Variants in KIAA0319L observed in about 807,000 individuals in gnomAD.
KIAA0319L encodes KIAA0319 like, also known as dyslexia-associated protein KIAA0319-like protein.
In KIAA0319L, 55 loss-of-function variants were observed where a neutral mutation model predicts 120.1. That is an observed-to-expected ratio of 0.46 (90% CI 0.37 to 0.57). The LOEUF is 0.57. Among genes scored for constraint, KIAA0319L ranks in the 20% least tolerant of loss-of-function variants. KIAA0319L has a pLI of 0.00. For missense variants in KIAA0319L, 1,049 were observed against 1,255.3 expected (o/e 0.84, Z 2.48); for synonymous variants, 398 against 471.9 (o/e 0.84, Z 2.03).
chr1:35,499,792 A>C (rs1395509109), intron 3 of KIAA0319L, among the ~76,000 whole-genome samples: 3 of 151,984 alleles, frequency 2.0e-5, no homozygotes, highest in Admixed American at 6.6e-5. Flanking sequence ...AAAAAAAAAA[A>C]AAACCCTGAA....
chr1:35,436,994 G>C (rs1217166013), intron 20 of KIAA0319L, among the ~76,000 whole-genome samples: 1 of 152,098 alleles, frequency 6.6e-6, no homozygotes, highest in Non-Finnish European at 1.5e-5. Context: ...CTAACCCACT[G>C]AGCCCAGAAC....
rs199802791 is a variant in KIAA0319L at position 35,451,731 on chromosome 1, A to G, written c.1959T>C (p.Ala653=). 9.3e-6 allele frequency: 15 copies of G among 1,614,154 alleles called. No homozygotes were observed. Among genetic ancestry groups the G allele is most frequent in the Non-Finnish European group, 1.1e-5 (13 of 1,180,002 alleles). Residue 653 remains alanine (A), a synonymous_variant, in exon 13 of 21, where the codon GCT becomes GCC. Transcript: ENST00000325722. ...TCCCCACTTGCAGCCCAGTCACAGT[A>G]GCAACACTGCTGTTAGCATTCTCGA... ...VQLENANSSV[A]TVTGLQVGTY... is the part of the protein sequence containing the mutation.
chr1:35,470,894 C>T lies in KIAA0319L; in HGVS notation c.1082G>A (p.Gly361Glu). Residue 361 changes from glycine to glutamate, a missense_variant, in exon 6 of 21, where the codon GGG becomes GAG. Physicochemically the swap from Gly to Glu is moderately conservative, Grantham distance 98. Transcript: ENST00000325722. ...TAGTTTGAGGATCTGGGAATGTTTCCCTTCCATTTCTCCACTGTAGTCTCT... is the reference window on the plus strand; with the variant it reads ...TAGTTTGAGGATCTGGGAATGTTTCTCTTCCATTTCTCCACTGTAGTCTCT... ...HPRDYSGEME[G>E]KHSQILKLSK... 1 of 1,613,364 alleles carries T rather than the reference C, an allele frequency of 6.2e-7. No individual in the cohort carries two copies. Among genetic ancestry groups the T allele is most frequent in the South Asian group, 1.1e-5 (1 of 91,050 alleles).
At position 35,444,034 on chromosome 1, in the gene KIAA0319L, A is replaced by G. The variant is rs569139972; in HGVS notation, c.2656+127T>C. On this transcript the variant is annotated intron_variant, in intron 17 of 20. Transcript: ENST00000325722. ...ATCAGGACTCTTTCATGGTAATAGTAGTGCAAGAGAATGATTATCTCCATC... is the reference window on the plus strand; with the variant it reads ...ATCAGGACTCTTTCATGGTAATAGTGGTGCAAGAGAATGATTATCTCCATC... 2.0e-4 allele frequency: 156 copies of G among 769,332 alleles called. 3 individuals are homozygous for G. The South Asian group carries it at 3.3e-3, about 16-fold the overall frequency. The allele number at this position is 769,332 out of a possible 1,614,324, so 47.7% of individuals were successfully genotyped here. A position where few individuals can be genotyped will look rare whatever the true frequency, so the allele number is the denominator to read the frequency against.
intron 3 of KIAA0319L, among the ~76,000 whole-genome samples, chr1:35,505,879 A>G (rs1431060399): frequency 3.3e-5 from 5 of 152,250 alleles, no homozygotes; most frequent in Non-Finnish European, 7.3e-5. Flanking sequence ...TAGTACACAG[A>G]GCGCTTGGCA....
At chr1:35,546,977 TAA>T (rs1232956045) in intron 2 of KIAA0319L, among the ~76,000 whole-genome samples, 2 of 148,248 alleles carry the variant, frequency 1.3e-5, no homozygotes, top group African/African-American at 4.9e-5. Context: ...AATATATATA[TAA>T]AAGTGAAATT....
chr1:35,520,950 CTA>C (rs1473022949), intron 2 of KIAA0319L, among the ~76,000 whole-genome samples: 1 of 152,142 alleles, frequency 6.6e-6, no homozygotes, highest in Admixed American at 6.5e-5. Context: ...TAAACTAGCA[CTA>C]TGTGACACGA....
chr1:35,528,017 A>T (rs1184927200), intron 2 of KIAA0319L, among the ~76,000 whole-genome samples: 1 of 151,520 alleles, frequency 6.6e-6, no homozygotes, highest in Non-Finnish European at 1.5e-5. Context: ...ATTGCTCTAA[A>T]CTTCCCTCTT....
intron 2 of KIAA0319L, among the ~76,000 whole-genome samples, chr1:35,531,305 G>A (rs527409853): frequency 6.6e-6 from 1 of 152,274 alleles, no homozygotes; most frequent in East Asian, 1.9e-4. Context: ...CCCTTTCCCT[G>A]GTATACAGGA....
rs902648447 is a variant in KIAA0319L, at chr1:35,470,888, T to A, written c.1088A>T (p.His363Leu). 1.2e-6 allele frequency: 2 copies of A among 1,612,510 alleles called. No homozygotes were observed. The highest frequency in any genetic ancestry group is 2.7e-5 in the African/African-American group (2 of 74,898). The part of the protein sequence containing the change: ...RDYSGEMEGK[H>L]SQILKLSKLT... ...CTTCGATAGTTTGAGGATCTGGGAA[T>A]GTTTCCCTTCCATTTCTCCACTGTA... is the stretch of plus-strand genomic sequence containing the variant. Residue 363 changes from histidine to leucine, a missense_variant, in exon 6 of 21, where the codon CAT becomes CTT. Physicochemically the swap from His to Leu is moderately conservative, Grantham distance 99. Coordinates refer to ENST00000325722, the MANE Select transcript of KIAA0319L (RefSeq NM_024874.5).
intron 3 of KIAA0319L, among the ~76,000 whole-genome samples, chr1:35,488,392 C>T (rs1408282758): frequency 6.6e-6 from 1 of 152,002 alleles, no homozygotes; most frequent in Non-Finnish European, 1.5e-5. Context: ...GAGATGACAC[C>T]CATGTTTCTA....
intron 4 of KIAA0319L, among the ~76,000 whole-genome samples, chr1:35,476,747 C>T (rs961716953): frequency 6.6e-6 from 1 of 152,210 alleles, no homozygotes; most frequent in African/African-American, 2.4e-5. Flanking sequence ...TTTGGTGCCT[C>T]ATGATTGAAC....
intron 7 of KIAA0319L, among the ~76,000 whole-genome samples, chr1:35,463,483 T>C (rs1032347512): frequency 6.6e-6 from 1 of 152,192 alleles, no homozygotes; most frequent in African/African-American, 2.4e-5. Flanking sequence ...TCAACCATCC[T>C]AGAGCTCACT....
intron 9 of KIAA0319L, among the ~76,000 whole-genome samples, chr1:35,458,450 C>T (rs1642647879): frequency 6.6e-6 from 1 of 152,094 alleles, no homozygotes; most frequent in Non-Finnish European, 1.5e-5. Flanking sequence ...GAGTGAATTA[C>T]AACCTTAATG....
chr1:35,436,014 A>G (rs936088062), intron 20 of KIAA0319L, among the ~76,000 whole-genome samples: 20 of 152,116 alleles, frequency 1.3e-4, no homozygotes, highest in African/African-American at 4.8e-4. Flanking sequence ...TCCTTTCTAA[A>G]AAAGGTAACC....
At chr1:35,499,758 C>G (rs1351528515) in intron 3 of KIAA0319L, among the ~76,000 whole-genome samples, 1 of 143,794 alleles carries the variant, frequency 7.0e-6, no homozygotes, top group Non-Finnish European at 1.5e-5. Context: ...ACAACAAAAA[C>G]AAGCAAACAA....
intron 17 of KIAA0319L, 176 bp from the exon 18 acceptor site, chr1:35,443,204 A>G: frequency 1.6e-6 from 1 of 634,774 alleles, no homozygotes; most frequent in Non-Finnish European, 2.7e-6. Flanking sequence ...ACAAAACTGG[A>G]GCAGTCAGGA....
At chr1:35,508,236 C>T (rs1428730633) in intron 2 of KIAA0319L, among the ~76,000 whole-genome samples, 1 of 152,186 alleles carries the variant, frequency 6.6e-6, no homozygotes, top group East Asian at 1.9e-4. Flanking sequence ...GTGTTCTGGG[C>T]ACCTCTCTCC....
Position 35,543,755 on chromosome 1 carries a change from G to A in KIAA0319L, c.142+10595C>T, listed in dbSNP as rs555203335. Among the ~76,000 whole-genome samples the A allele has an allele frequency of 6.0e-4, 91 of 152,274 alleles. 1 individual carries two copies. The highest frequency in any genetic ancestry group is 1.1e-3 in the Non-Finnish European group (77 of 68,016). Reference sequence around the variant, plus strand: ...AAAAAAAGGCAACTAGTGGTAAAGAGACCTCTTGCTAAGGCAGGAGGTGAT... The same window carrying A: ...AAAAAAAGGCAACTAGTGGTAAAGAAACCTCTTGCTAAGGCAGGAGGTGAT... On this transcript the variant is annotated intron_variant, in intron 2 of 20. Transcript: ENST00000325722.
Sources: gnomAD v4.1 joint callset for allele counts (sites outside exome capture counted in the v4.1 genomes callset) on GRCh38, gnomAD v4.1.1 for gene constraint, MANE v1.5 for transcripts, NCBI Gene and HGNC (gene_info 2026-07-23, HGNC 2026-07-21) for gene names.